PCSK6: variants seen among roughly 807,000 people sequenced by gnomAD.
The protein encoded by PCSK6 is proprotein convertase subtilisin/kexin type 6.
PCSK6 carries 85 observed loss-of-function variants against 123.3 expected under a neutral mutation model. That is an observed-to-expected ratio of 0.69 (90% CI 0.58 to 0.83). The LOEUF (loss-of-function observed/expected upper bound fraction) is 0.83, where lower values mean the gene tolerates loss of function less well. Among genes scored for constraint, PCSK6 ranks in the 40% least tolerant of loss-of-function variants. The pLI is 0.00. For missense variants in PCSK6, 1,191 were observed against 1,282.3 expected (o/e 0.93, Z 1.09); for synonymous variants, 508 against 516.0 (o/e 0.98, Z 0.21).
intron 1 of PCSK6, among the ~76,000 whole-genome samples, chr15:101,465,124 C>T (rs994912633): frequency 2.6e-5 from 4 of 152,298 alleles, no homozygotes; most frequent in South Asian, 2.1e-4. Flanking sequence ...AGACCAATGA[C>T]GGGGAGGCTG....
At chr15:101,456,826 T>A (rs377598104) in intron 1 of PCSK6, among the ~76,000 whole-genome samples, 2 of 152,164 alleles carry the variant, frequency 1.3e-5, no homozygotes, top group South Asian at 2.1e-4. Flanking sequence ...GAGGTAGCAA[T>A]GAAGGGACCC....
chr15:101,337,350 T>C (rs1222852992), intron 13 of PCSK6: 2 of 152,032 alleles, frequency 1.3e-5, no homozygotes, highest in African/African-American at 4.8e-5. Context: ...ACCAAGGGAG[T>C]CACTTTGGTT....
At chr15:101,375,113 C>T (rs1305705972) in intron 11 of PCSK6, among the ~76,000 whole-genome samples, 3 of 152,084 alleles carry the variant, frequency 2.0e-5, no homozygotes, top group Non-Finnish European at 2.9e-5. Flanking sequence ...CCACCATGCC[C>T]GGCCAATGTT....
rs750433680 is a variant in PCSK6, at chr15:101,331,692, G to A, written c.2039-3C>T. Reference sequence around the variant, plus strand: ...AGCAGAGCCTGGGGTGGATTGAGCTGTGTGAGTGCAAATTGCCATGATTAT... The same window carrying A: ...AGCAGAGCCTGGGGTGGATTGAGCTATGTGAGTGCAAATTGCCATGATTAT... On this transcript the variant is annotated splice_region_variant and splice_polypyrimidine_tract_variant and intron_variant, in intron 14 of 21. Transcript: ENST00000611716. 6.2e-7 allele frequency: 1 copy of A among 1,613,114 alleles called. No homozygotes were observed. The highest frequency in any genetic ancestry group is 1.7e-5 in the Admixed American group (1 of 59,890).
chr15:101,483,620 G>A (rs1365988267), intron 1 of PCSK6, among the ~76,000 whole-genome samples: 2 of 152,214 alleles, frequency 1.3e-5, no homozygotes, highest in African/African-American at 4.8e-5. Context: ...GATTTGGTAT[G>A]TGGAGAATAC....
At chr15:101,451,364 C>T (rs2057029844) in intron 1 of PCSK6, among the ~76,000 whole-genome samples, 2 of 152,074 alleles carry the variant, frequency 1.3e-5, no homozygotes, top group African/African-American at 2.4e-5. Flanking sequence ...TCGTAGCCCT[C>T]GAGCAGGCTG....
At position 101,384,294 on chromosome 15, in the gene PCSK6, A is replaced by G. The variant is rs774611514; in HGVS notation, c.1414+28T>C. 1.2e-5 allele frequency: 19 copies of G among 1,609,890 alleles called. No individual in the cohort carries two copies. In the Admixed American group the frequency reaches 1.5e-4, roughly 13 times the overall value. ...TTCCTACACATTCCAGGGCCACCCA[A>G]TGGTCCACCAGAACGCCACTGCCGC... is the stretch of plus-strand genomic sequence containing the variant. On this transcript the variant is annotated intron_variant, in intron 10 of 21. Transcript: ENST00000611716.
chr15:101,461,388 C>T (rs944279245), intron 1 of PCSK6, among the ~76,000 whole-genome samples: 2 of 152,204 alleles, frequency 1.3e-5, no homozygotes, highest in Admixed American at 1.3e-4. Flanking sequence ...CTCTCTCACA[C>T]AGAACAGGCC....
At chr15:101,375,232 C>T (rs1185551445) in intron 11 of PCSK6, among the ~76,000 whole-genome samples, 4 of 152,172 alleles carry the variant, frequency 2.6e-5, no homozygotes, top group Admixed American at 2.6e-4. Context: ...AGATTACAGG[C>T]GTGAGCCACG....
chr15:101,419,817 G>A lies in PCSK6; in HGVS notation c.823+8075C>T, dbSNP rs1395636675. Among the ~76,000 whole-genome samples the A allele has an allele frequency of 2.6e-5, 4 of 151,984 alleles. No homozygotes were observed. In the East Asian group the frequency reaches 7.7e-4, roughly 29 times the overall value. On this transcript the variant is annotated intron_variant, in intron 6 of 21. Coordinates refer to ENST00000611716, the MANE Select transcript of PCSK6 (RefSeq NM_002570.5). ...TAGGATGTGATGAGGGCCACGTGTG[G>A]CAATCACCAAATATTGATTTGGGGG...
At chr15:101,338,356 A>G (rs2040529450) in intron 13 of PCSK6, among the ~76,000 whole-genome samples, 2 of 149,698 alleles carry the variant, frequency 1.3e-5, no homozygotes, top group Admixed American at 6.6e-5. Context: ...TTGCGTCCAC[A>G]GTGTCGGCCC....
At position 101,335,382 on chromosome 15, in the gene PCSK6, A is replaced by G. The variant is rs372489172; in HGVS notation, c.1859-3351T>C. ...GGTTGTATGGTCAAAAAACCCCATT[A>G]AAAAGCAGTAGTACTCGGGGTTTTG... On this transcript the variant is annotated intron_variant, in intron 13 of 21. Transcript: ENST00000611716. 1.8e-4 allele frequency among the ~76,000 whole-genome samples: 27 copies of G among 152,374 alleles called. No homozygotes were observed. In the East Asian group the frequency reaches 2.5e-3, roughly 14 times the overall value.
chr15:101,394,338 G>T (rs977359190), intron 7 of PCSK6, among the ~76,000 whole-genome samples: 2 of 152,156 alleles, frequency 1.3e-5, no homozygotes, highest in Non-Finnish European at 2.9e-5. Flanking sequence ...ACAGCAGCCA[G>T]TCAGGGCAGA....
chr15:101,400,044 G>C (rs141724725), intron 6 of PCSK6, among the ~76,000 whole-genome samples: 50 of 152,152 alleles, frequency 3.3e-4, no homozygotes, highest in Non-Finnish European at 5.7e-4. Flanking sequence ...TTGCTTTACA[G>C]ATGGGGTCTC....
chr15:101,396,085 T>G (rs936343422), intron 7 of PCSK6, among the ~76,000 whole-genome samples: 2 of 152,148 alleles, frequency 1.3e-5, no homozygotes, highest in Non-Finnish European at 2.9e-5. Context: ...TAGGAGGATT[T>G]TCAGTGACAG....
At chr15:101,326,272 G>T (rs750369755) in intron 16 of PCSK6, 105 bp downstream of exon 16, 7 of 794,542 alleles carry the variant, frequency 8.8e-6, no homozygotes, top group Non-Finnish European at 1.2e-5. Flanking sequence ...ATTGTTTGGG[G>T]GTGCTACGTT....
chr15:101,353,453 G>A (rs1264790526), intron 13 of PCSK6, among the ~76,000 whole-genome samples: 3 of 152,064 alleles, frequency 2.0e-5, no homozygotes, highest in African/African-American at 4.8e-5. Context: ...ACCATGGACC[G>A]GTAGGTGGGA....
Position 101,337,913 on chromosome 15 carries a change from C to A in PCSK6, c.1859-5882G>T, listed in dbSNP as rs112231648. ...ATAGGTTATGACAGAACGTTTAGTC[C>A]AGTTCCCTTTTTTGAAATACATAAA... On this transcript the variant is annotated intron_variant, in intron 13 of 21. Transcript: ENST00000611716. Among the ~76,000 whole-genome samples the A allele has an allele frequency of 5.3e-3, 804 of 152,280 alleles. 9 individuals are homozygous for A. The highest frequency in any genetic ancestry group is 0.019 in the African/African-American group (776 of 41,540).
intron 10 of PCSK6, 98 bp from the exon 11 acceptor site, chr15:101,382,307 G>A (rs1211772287): frequency 3.2e-6 from 3 of 939,006 alleles, no homozygotes; most frequent in South Asian, 3.2e-5. Flanking sequence ...GAGGACAGAG[G>A]GACCGTAAGA....
Sources: allele counts gnomAD v4.1 joint callset (sites outside exome capture counted in the v4.1 genomes callset), GRCh38; gene constraint gnomAD v4.1.1; transcripts MANE v1.5; gene names NCBI Gene and HGNC (gene_info 2026-07-23, HGNC 2026-07-21).